The following EPHA6 variants were observed in gnomAD, a reference collection of about 807,000 sequenced individuals.
EPHA6 encodes the protein ephrin type-A receptor 6.
EPHA6 carries 50 observed loss-of-function variants against 112.0 expected under a neutral mutation model. The observed-to-expected ratio is 0.45, with a 90% CI of 0.36 to 0.56. The LOEUF is 0.56. EPHA6 is among the 20% of genes least tolerant of loss of function. The pLI is 0.00. For missense variants in EPHA6, 1,280 were observed against 1,417.4 expected, an observed-to-expected ratio of 0.90 and a Z score of 1.56; for synonymous variants, 529 against 490.7, an observed-to-expected ratio of 1.08 and a Z score of -1.03.
chr3:97,109,030 C>G (rs2047645285), intron 3 of EPHA6, among the ~76,000 whole-genome samples: 1 of 152,136 alleles, frequency 6.6e-6, no homozygotes, highest in Admixed American at 6.6e-5. Flanking sequence ...ATAACCACCT[C>G]TGTATTCTAT....
rs1227166839 is a variant in EPHA6, at chr3:97,244,146, C to G, written c.1465C>G (p.Leu489Val). The stretch of plus-strand genomic sequence containing the variant: ...CCGCTTCATCCCAAGACATACAGGC[C>G]TGATCAACAATTCCGTGATAGTACT... ...GLRFIPRHTGLINNSVIVLDF... is the reference protein window; with the variant it reads ...GLRFIPRHTGVINNSVIVLDF... Residue 489 changes from leucine (L) to valine (V), a missense_variant, in exon 5 of 18, where the codon CTG becomes GTG. Coordinates refer to ENST00000389672, the MANE Select transcript of EPHA6 (RefSeq NM_001080448.3). The G allele has an allele frequency of 1.2e-6, 2 of 1,613,066 alleles. No individual in the cohort carries two copies.
At chr3:97,013,136 A>G (rs991874571) in intron 3 of EPHA6, among the ~76,000 whole-genome samples, 1 of 151,972 alleles carries the variant, frequency 6.6e-6, no homozygotes, top group Non-Finnish European at 1.5e-5. Context: ...TTTTGTTACA[A>G]TTGCTTTTGA....
chr3:97,533,645 A>G (rs2092720515), intron 11 of EPHA6, among the ~76,000 whole-genome samples: 1 of 152,090 alleles, frequency 6.6e-6, no homozygotes, highest in Admixed American at 6.6e-5. Flanking sequence ...CCAATGGGAC[A>G]TTAGCAAGTG....
At chr3:97,716,286 G>GCTTCTGTGTTTCCTCTAATGTAA (rs1406266727) in intron 14 of EPHA6, among the ~76,000 whole-genome samples, 6 of 125,778 alleles carry the variant, frequency 4.8e-5, no homozygotes, top group African/African-American at 1.5e-4. Flanking sequence ...AAGAAAAGAT[G>GCTTCTGTGTTTCCTCTAATGTAA]GGCCGGGCGC....
At chr3:96,820,477 T>C (rs547601332) in intron 1 of EPHA6, among the ~76,000 whole-genome samples, 1 of 152,110 alleles carries the variant, frequency 6.6e-6, no homozygotes, top group African/African-American at 2.4e-5. Flanking sequence ...GTTTGAAATA[T>C]GTTTTGTAAA....
intron 5 of EPHA6, among the ~76,000 whole-genome samples, chr3:97,301,963 G>A (rs2081111380): frequency 6.6e-6 from 1 of 152,036 alleles, no homozygotes; most frequent in South Asian, 2.1e-4. Flanking sequence ...ATAAAGGCTT[G>A]TGGTAGCAAT....
chr3:97,479,895 T>C (rs936692101), intron 9 of EPHA6, among the ~76,000 whole-genome samples: 8 of 152,152 alleles, frequency 5.3e-5, no homozygotes, highest in Non-Finnish European at 1.0e-4. Flanking sequence ...TAATTACCAC[T>C]ATAGCTGGTT....
At chr3:97,285,356 AC>A (rs1027347303) in intron 5 of EPHA6, among the ~76,000 whole-genome samples, 20 of 152,132 alleles carry the variant, frequency 1.3e-4, no homozygotes, top group Non-Finnish European at 2.5e-4. Flanking sequence ...GTACCTATTA[AC>A]CAGCCTCTCT....
intron 13 of EPHA6, among the ~76,000 whole-genome samples, chr3:97,623,844 A>C (rs755752279): frequency 6.6e-6 from 1 of 151,646 alleles, no homozygotes; most frequent in Non-Finnish European, 1.5e-5. Context: ...TGGGCTCTCT[A>C]ATCTATTCCA....
chr3:97,103,398 A>G (rs1444553117), intron 3 of EPHA6, among the ~76,000 whole-genome samples: 1 of 152,062 alleles, frequency 6.6e-6, no homozygotes, highest in East Asian at 1.9e-4. Context: ...CTGAATAGGG[A>G]GTTCTTTCCC....
intron 12 of EPHA6, among the ~76,000 whole-genome samples, chr3:97,602,037 T>C (rs1020984205): frequency 6.6e-6 from 1 of 152,050 alleles, no homozygotes; most frequent in African/African-American, 2.4e-5. Context: ...TCTCTTAAAA[T>C]ATTCAGGATG....
intron 10 of EPHA6, among the ~76,000 whole-genome samples, chr3:97,494,109 C>G (rs1272266617): frequency 6.6e-6 from 1 of 152,170 alleles, no homozygotes; most frequent in Non-Finnish European, 1.5e-5. Flanking sequence ...GTTCTTCCAA[C>G]AGATGTTAGA....
At chr3:97,522,703 T>A (rs947439247) in intron 10 of EPHA6, among the ~76,000 whole-genome samples, 2 of 152,142 alleles carry the variant, frequency 1.3e-5, no homozygotes, top group African/African-American at 4.8e-5. Context: ...GATTTTTTAG[T>A]GTTGATTCAG....
intron 3 of EPHA6, among the ~76,000 whole-genome samples, chr3:97,074,477 G>C (rs1309407682): frequency 1.2e-4 from 18 of 151,808 alleles, no homozygotes; most frequent in Admixed American, 1.2e-3. Context: ...TTTTAAAATG[G>C]TGGTTTAATT....
intron 1 of EPHA6, among the ~76,000 whole-genome samples, chr3:96,822,479 G>C (rs2033336995): frequency 6.6e-6 from 1 of 151,726 alleles, no homozygotes; most frequent in Admixed American, 6.6e-5. Context: ...GTGCTTGATA[G>C]ATGTAATTGA....
intron 11 of EPHA6, among the ~76,000 whole-genome samples, chr3:97,543,857 A>G (rs893207392): frequency 6.6e-6 from 1 of 152,058 alleles, no homozygotes; most frequent in Non-Finnish European, 1.5e-5. Flanking sequence ...CTTTGAAGCA[A>G]TTGTGAATGG....
intron 1 of EPHA6, among the ~76,000 whole-genome samples, chr3:96,839,850 T>C (rs1439175378): frequency 6.6e-6 from 1 of 152,066 alleles, no homozygotes; most frequent in Non-Finnish European, 1.5e-5. Context: ...ATTATATTAT[T>C]AGTATGTTTT....
intron 5 of EPHA6, among the ~76,000 whole-genome samples, chr3:97,286,648 C>CA (rs2080474662): frequency 6.8e-6 from 1 of 147,710 alleles, no homozygotes; most frequent in South Asian, 2.1e-4. Context: ...CCATATACTA[C>CA]ATTTTGAAGT....
At chr3:97,413,146 T>C (rs1297738108) in intron 6 of EPHA6, among the ~76,000 whole-genome samples, 1 of 151,878 alleles carries the variant, frequency 6.6e-6, no homozygotes, top group Non-Finnish European at 1.5e-5. Context: ...AGCATTGCCA[T>C]GAATTCAAAG....
Sources: allele counts gnomAD v4.1 joint callset (sites outside exome capture counted in the v4.1 genomes callset), GRCh38; gene constraint gnomAD v4.1.1; transcripts MANE v1.5; gene names NCBI Gene and HGNC (gene_info 2026-07-23, HGNC 2026-07-21).